Variants in ZBTB44 observed in about 807,000 individuals in gnomAD.
ZBTB44 encodes the protein zinc finger and BTB domain containing 44.
ZBTB44 carries 15 observed loss-of-function variants against 54.0 expected under a neutral mutation model. That is an observed-to-expected ratio of 0.28 (90% CI 0.19 to 0.43). The LOEUF is 0.43. Ranked by LOEUF, ZBTB44 falls within the 20% of genes least tolerant of loss-of-function variation. ZBTB44 has a pLI of 1.00. For synonymous variants in ZBTB44, 230 were observed against 250.1 expected, an observed-to-expected ratio of 0.92 and a Z score of 0.76; for missense variants, 487 against 707.1, an observed-to-expected ratio of 0.69 and a Z score of 3.53.
Position 130,261,025 on chromosome 11 carries a change from G to C in ZBTB44, c.849C>G (p.Thr283=). 1 of 1,613,894 alleles carries C rather than the reference G, an allele frequency of 6.2e-7. No homozygotes were observed. Among genetic ancestry groups the C allele is most frequent in the East Asian group, 2.2e-5 (1 of 44,868 alleles). The change falls in exon 2 of 8, where the codon ACC becomes ACG. Residue 283 remains threonine (T), a synonymous_variant. Coordinates refer to ENST00000357899, the MANE Select transcript of ZBTB44 (RefSeq NM_001301098.2). This position sits in a 1 kb window ranked among gnomAD's most constrained non-coding sequence, Gnocchi z 4.8. ...ESTKTTLPLG[T]EEDVRVKVER... ...CTACTTTGACCCGGACATCTTCTTC[G>C]GTACCTAAAGGCAAGGTAGTTTTTG... is the stretch of plus-strand genomic sequence containing the variant.
intron 1 of ZBTB44, among the ~76,000 whole-genome samples, chr11:130,299,847 G>A (rs376620035): frequency 1.1e-4 from 16 of 152,290 alleles, no homozygotes; most frequent in African/African-American, 3.6e-4. Flanking sequence ...GGACACACCA[G>A]TATTTGTACA....
rs1953726549 is a variant in ZBTB44 at position 130,227,240 on chromosome 11, T to C, written c.*4524A>G. The C allele has an allele frequency of 6.6e-6, 1 of 152,136 alleles. No individual in the cohort carries two copies. Among genetic ancestry groups the C allele is most frequent in the Admixed American group, 6.5e-5 (1 of 15,270 alleles). The allele number at this position is 152,136 out of a possible 1,614,324, so 9.4% of individuals were successfully genotyped here. On this transcript the variant is annotated 3_prime_UTR_variant, in exon 8 of 8. Transcript: ENST00000357899. ...GGAAATAAAACAAAATCCAAAACCA[T>C]TTTTGTTATTGTCAAAAGTCAAACA...
intron 1 of ZBTB44, among the ~76,000 whole-genome samples, chr11:130,312,305 C>T (rs1314398506): frequency 6.6e-6 from 1 of 152,136 alleles, no homozygotes; most frequent in East Asian, 1.9e-4. Flanking sequence ...AACTGGCAAA[C>T]CACACCTTTA....
At chr11:130,298,715 A>G (rs1941816160) in intron 1 of ZBTB44, among the ~76,000 whole-genome samples, 1 of 151,844 alleles carries the variant, frequency 6.6e-6, no homozygotes, top group African/African-American at 2.4e-5. Context: ...CGCTTGCCTC[A>G]GCCTCCCAAA....
At chr11:130,312,388 T>C (rs1355463826) in intron 1 of ZBTB44, among the ~76,000 whole-genome samples, 3 of 152,224 alleles carry the variant, frequency 2.0e-5, no homozygotes, top group Non-Finnish European at 4.4e-5. Flanking sequence ...AATCTGACAT[T>C]GTGTGCCTCC....
At chr11:130,287,219 C>T (rs1941020616) in intron 1 of ZBTB44, among the ~76,000 whole-genome samples, 1 of 152,180 alleles carries the variant, frequency 6.6e-6, no homozygotes, top group Non-Finnish European at 1.5e-5. Flanking sequence ...TGCCCCATCC[C>T]TCACCTCCCA....
chr11:130,275,907 T>A (rs2134230203), intron 1 of ZBTB44, among the ~76,000 whole-genome samples: 1 of 148,244 alleles, frequency 6.7e-6, no homozygotes, highest in East Asian at 2.3e-4. Context: ...ATTACAGGCA[T>A]GAGCCACCGC....
At chr11:130,272,954 T>C (rs1939783876) in intron 1 of ZBTB44, among the ~76,000 whole-genome samples, 1 of 152,212 alleles carries the variant, frequency 6.6e-6, no homozygotes, top group Non-Finnish European at 1.5e-5. Context: ...ATTACTGTTG[T>C]TTTGCAGTAA....
rs546453704 is a variant in ZBTB44, at chr11:130,233,799, T to C, written c.1686+357A>G. 4,586 of 1,176,718 alleles carry C rather than the reference T, an allele frequency of 3.9e-3. 8 individuals carry two copies. The highest frequency in any genetic ancestry group is 4.5e-3 in the Non-Finnish European group (4,218 of 943,566). The allele number at this position is 1,176,718 out of a possible 1,614,324, so 72.9% of individuals were successfully genotyped here. On this transcript the variant is annotated intron_variant, in intron 6 of 7. Transcript: ENST00000357899. Reference sequence around the variant, plus strand: ...TTTCAACATCATGTTATTGTGTACTTACAGAAGCAATCTCTCAGTTAGGAA... The same window carrying C: ...TTTCAACATCATGTTATTGTGTACTCACAGAAGCAATCTCTCAGTTAGGAA...
At chr11:130,314,105 T>C (rs1592097613) in intron 1 of ZBTB44, among the ~76,000 whole-genome samples, 5 of 151,330 alleles carry the variant, frequency 3.3e-5, no homozygotes, top group Admixed American at 3.3e-4. Flanking sequence ...CGGGTTAGGG[T>C]GTTGGGCAAA....
intron 1 of ZBTB44, among the ~76,000 whole-genome samples, chr11:130,291,138 GT>G (rs904432176): frequency 5.4e-4 from 79 of 146,524 alleles, no homozygotes; most frequent in African/African-American, 1.4e-3. Flanking sequence ...AGCCTTTGTT[GT>G]TTTTTTTTTT....
At chr11:130,314,174 G>A (rs1236297945) in intron 1 of ZBTB44, among the ~76,000 whole-genome samples, 1 of 152,136 alleles carries the variant, frequency 6.6e-6, no homozygotes, top group South Asian at 2.1e-4. Flanking sequence ...CCGGGACCGC[G>A]GGGCCCAAGG....
chr11:130,272,189 G>C (rs1592000157), intron 1 of ZBTB44, among the ~76,000 whole-genome samples: 1 of 151,736 alleles, frequency 6.6e-6, no homozygotes, highest in Non-Finnish European at 1.5e-5. Context: ...CCAAGATCAC[G>C]CCACTGTACT....
chr11:130,243,525 TTTTTCC>T (rs1471627920), intron 2 of ZBTB44, among the ~76,000 whole-genome samples: 2 of 152,258 alleles, frequency 1.3e-5, no homozygotes, highest in African/African-American at 4.8e-5. Context: ...TTTTCCTCTC[TTTTTCC>T]TTTTCTAGTC....
chr11:130,241,325 T>G (rs961491634), intron 2 of ZBTB44, among the ~76,000 whole-genome samples: 1 of 152,256 alleles, frequency 6.6e-6, no homozygotes, highest in Non-Finnish European at 1.5e-5. Context: ...TTCACATCAC[T>G]GCTAGTATAT....
chr11:130,310,486 A>AAAG (rs1182303612), intron 1 of ZBTB44: 9 of 152,144 alleles, frequency 5.9e-5, no homozygotes, highest in African/African-American at 2.2e-4. Flanking sequence ...TAAAAAAAAA[A>AAAG]AAAAGTAAGC....
At chr11:130,295,017 C>T (rs1362392303) in intron 1 of ZBTB44, among the ~76,000 whole-genome samples, 1 of 152,056 alleles carries the variant, frequency 6.6e-6, no homozygotes, top group Non-Finnish European at 1.5e-5. Flanking sequence ...AACGTCAGCC[C>T]CGAGAACTGA....
chr11:130,295,828 A>G, intron 1 of ZBTB44: 4 of 1,376,380 alleles, frequency 2.9e-6, no homozygotes, highest in Non-Finnish European at 4.1e-6. Flanking sequence ...CTCACCTACT[A>G]GAGAATTAGC....
intron 1 of ZBTB44, chr11:130,295,804 G>A (rs1592057867): frequency 7.2e-6 from 10 of 1,395,012 alleles, no homozygotes; most frequent in South Asian, 3.5e-5. Context: ...GAATGCATGC[G>A]GAGTCCTTGT....
Sources: gnomAD v4.1 joint callset for allele counts (sites outside exome capture counted in the v4.1 genomes callset) on GRCh38, gnomAD v4.1.1 for gene constraint, Gnocchi (gnomAD v3.1) non-coding constraint, MANE v1.5 for transcripts, NCBI Gene and HGNC (gene_info 2026-07-23, HGNC 2026-07-21) for gene names.